The following SGCD variants were observed in gnomAD, a reference collection of about 807,000 sequenced individuals.
SGCD encodes the protein delta-sarcoglycan.
A neutral mutation model predicts 36.6 loss-of-function variants in SGCD; 18 were observed. The observed-to-expected ratio is 0.49, with a 90% CI of 0.34 to 0.73. SGCD has a LOEUF of 0.73. Ranked by LOEUF, SGCD falls within the 30% of genes least tolerant of loss-of-function variation. The pLI is 0.01. For synonymous variants in SGCD, 133 were observed against 130.6 expected, an observed-to-expected ratio of 1.02 and a Z score of -0.12; for missense variants, 387 against 346.7, an observed-to-expected ratio of 1.12 and a Z score of -0.92.
chr5:155,902,160 T>A (rs1339008721), intron 1 of SGCD, among the ~76,000 whole-genome samples: 1 of 152,228 alleles, frequency 6.6e-6, no homozygotes. Flanking sequence ...TTTAAGAAAG[T>A]CACTTTTCCA....
chr5:156,462,482 A>G (rs536539432), intron 3 of SGCD, among the ~76,000 whole-genome samples: 1 of 152,184 alleles, frequency 6.6e-6, no homozygotes, highest in African/African-American at 2.4e-5. Context: ...AAAGGAAAGG[A>G]CTTAATTTAC....
chr5:156,366,189 G>C (rs1243304386), intron 3 of SGCD, among the ~76,000 whole-genome samples: 1 of 152,224 alleles, frequency 6.6e-6, no homozygotes, highest in Non-Finnish European at 1.5e-5. Context: ...TGTGTGAAGA[G>C]AGGGCATGTG....
Position 156,292,864 on chromosome 5 carries a change from C to A in SGCD, c.-43-36670C>A, listed in dbSNP as rs115881069. On this transcript the variant is annotated intron_variant, in intron 3 of 9. Transcript: ENST00000517913. ...CCCCAATGATACTGATTTGGGGCAT[C>A]TTTTCATATGCTTATTGGCCATTTG... Among the ~76,000 whole-genome samples the A allele has an allele frequency of 2.5e-3, 377 of 152,162 alleles. 1 individual carries two copies. The highest frequency in any genetic ancestry group is 8.8e-3 in the African/African-American group (367 of 41,532).
intron 1 of SGCD, among the ~76,000 whole-genome samples, chr5:156,035,886 T>G (rs1213464536): frequency 6.6e-6 from 1 of 152,202 alleles, no homozygotes; most frequent in East Asian, 1.9e-4. Flanking sequence ...TGTTTAGGAA[T>G]AGTGATACCA....
intron 3 of SGCD, among the ~76,000 whole-genome samples, chr5:156,227,944 A>G (rs1764899900): frequency 6.6e-6 from 1 of 152,034 alleles, no homozygotes; most frequent in African/African-American, 2.4e-5. Flanking sequence ...ATGTATTTGC[A>G]TGGTTTTGAA....
At chr5:156,080,758 A>G (rs1284906440) in intron 1 of SGCD, among the ~76,000 whole-genome samples, 1 of 152,198 alleles carries the variant, frequency 6.6e-6, no homozygotes, top group Non-Finnish European at 1.5e-5. Context: ...CTGAAACCTC[A>G]TCAGCCTGGT....
At position 156,613,390 on chromosome 5, in the gene SGCD, T is replaced by G. The variant is rs140008298; in HGVS notation, c.502+18339T>G. Among the ~76,000 whole-genome samples, 253 of 152,354 alleles carry G rather than the reference T, an allele frequency of 1.7e-3. 1 individual carries two copies. Among genetic ancestry groups the G allele is most frequent in the African/African-American group, 5.8e-3 (241 of 41,570 alleles). ...GTATGTTTGGACCAATGGATTTTGT[T>G]GACATAGTCAGGGCCAGAAAACACC... On this transcript the variant is annotated intron_variant, in intron 6 of 8. Coordinates refer to ENST00000337851, the MANE Select transcript of SGCD (RefSeq NM_000337.6).
chr5:156,140,551 C>T (rs983381086), intron 3 of SGCD, among the ~76,000 whole-genome samples: 2 of 152,068 alleles, frequency 1.3e-5, no homozygotes, highest in Non-Finnish European at 2.9e-5. Context: ...TTGTGGAAGG[C>T]AAAATTTAAG....
At chr5:155,772,922 T>C in the SGCD span, among the ~76,000 whole-genome samples, 1 of 152,264 alleles carries the variant, frequency 6.6e-6, no homozygotes, top group East Asian at 1.9e-4. Flanking sequence ...CAACAGTTGA[T>C]TTATAAACCA....
chr5:156,155,871 G>A (rs1489216211), intron 3 of SGCD, among the ~76,000 whole-genome samples: 2 of 151,688 alleles, frequency 1.3e-5, no homozygotes, highest in South Asian at 4.1e-4. Context: ...CAGGATGCAG[G>A]AGCCTGTCAG....
At chr5:155,999,662 G>C (rs1758623881) in intron 1 of SGCD, among the ~76,000 whole-genome samples, 1 of 152,114 alleles carries the variant, frequency 6.6e-6, no homozygotes, top group Non-Finnish European at 1.5e-5. Context: ...CAACACAAAG[G>C]TGTCTTTCGT....
chr5:156,108,642 T>A (rs986427760), intron 1 of SGCD, among the ~76,000 whole-genome samples: 8 of 152,190 alleles, frequency 5.3e-5, no homozygotes, highest in Non-Finnish European at 1.0e-4. Flanking sequence ...TTAAGAATAG[T>A]TAAAGCATTG....
At chr5:156,597,028 A>G (rs941924085) in intron 6 of SGCD, among the ~76,000 whole-genome samples, 5 of 152,182 alleles carry the variant, frequency 3.3e-5, no homozygotes, top group Non-Finnish European at 7.3e-5. Context: ...GCAAAAATGC[A>G]GGGTGCAGAG....
At chr5:155,728,436 G>C in the SGCD span, among the ~76,000 whole-genome samples, 1 of 152,214 alleles carries the variant, frequency 6.6e-6, no homozygotes, top group Admixed American at 6.5e-5. Flanking sequence ...CACCGGCGGG[G>C]AGGAGGACTA....
At chr5:156,164,369 C>T (rs1269227003) in intron 3 of SGCD, among the ~76,000 whole-genome samples, 6 of 152,154 alleles carry the variant, frequency 3.9e-5, no homozygotes. Context: ...TTTTAATCCA[C>T]AGAATGTGAA....
intron 3 of SGCD, among the ~76,000 whole-genome samples, chr5:156,372,259 C>T (rs899160463): frequency 3.3e-5 from 5 of 152,134 alleles, no homozygotes; most frequent in East Asian, 3.9e-4. Flanking sequence ...GGTATGGTAT[C>T]GTGGGATTTA....
chr5:156,205,518 T>C (rs1764254781), intron 3 of SGCD, among the ~76,000 whole-genome samples: 1 of 152,154 alleles, frequency 6.6e-6, no homozygotes, highest in Non-Finnish European at 1.5e-5. Flanking sequence ...GACAATAATC[T>C]GTTGTAATAT....
intron 1 of SGCD, among the ~76,000 whole-genome samples, chr5:156,024,858 T>G (rs1280746873): frequency 6.6e-6 from 1 of 150,966 alleles, no homozygotes; most frequent in Non-Finnish European, 1.5e-5. Flanking sequence ...CTCGGGAGGC[T>G]GAGGCAGGAG....
chr5:156,606,943 G>A (rs1761491985), intron 6 of SGCD, among the ~76,000 whole-genome samples: 1 of 152,144 alleles, frequency 6.6e-6, no homozygotes, highest in African/African-American at 2.4e-5. Flanking sequence ...AGGAGATTTT[G>A]GGCTGAGACG....
Sources: gnomAD v4.1 joint callset for allele counts (sites outside exome capture counted in the v4.1 genomes callset) on GRCh38, gnomAD v4.1.1 for gene constraint, MANE v1.5 for transcripts, NCBI Gene and HGNC (gene_info 2026-07-23, HGNC 2026-07-21) for gene names.